The following CEL variants were observed in gnomAD, a reference collection of about 807,000 sequenced individuals.
CEL encodes the protein bile salt-activated lipase.
Under a neutral mutation model 57.1 loss-of-function variants are expected in CEL, and 39 were observed. That is an observed-to-expected ratio of 0.68 (90% CI 0.53 to 0.89). The LOEUF (loss-of-function observed/expected upper bound fraction) is 0.89, where lower values mean the gene tolerates loss of function less well. Among genes scored for constraint, CEL ranks in the 40% least tolerant of loss-of-function variants. The probability of loss-of-function intolerance (pLI) is 0.00; values close to 1 mark genes in which losing one functional copy is unlikely to be tolerated. For synonymous variants in CEL, 314 were observed against 396.6 expected (o/e 0.79, Z 2.48); for missense variants, 698 against 915.0 (o/e 0.76, Z 3.06).
chr9:133,069,898 G>C (rs1830235586), intron 9 of CEL, among the ~76,000 whole-genome samples: 2 of 152,124 alleles, frequency 1.3e-5, no homozygotes, highest in Admixed American at 6.5e-5. Flanking sequence ...TTGACCCAGG[G>C]AGGTGGAGGT....
chr9:133,064,322 C>G, intron 1 of CEL, 82 bp from the exon 2 acceptor site: 1 of 1,588,134 alleles, frequency 6.3e-7, no homozygotes, highest in South Asian at 1.1e-5. Context: ...TCTGGGCACG[C>G]GGAGTCGGCT....
intron 1 of CEL, among the ~76,000 whole-genome samples, chr9:133,063,818 C>T (rs1056046246): frequency 6.6e-6 from 1 of 152,092 alleles, no homozygotes; most frequent in Non-Finnish European, 1.5e-5. Context: ...GGTTCTTTAC[C>T]AGCAGGGGGC....
rs1305032377 is a variant in CEL at position 133,068,726 on chromosome 9, C to T, written c.950C>T (p.Pro317Leu). 6.2e-7 allele frequency: 1 copy of T among 1,607,480 alleles called. No individual in the cohort carries two copies. The highest frequency in any genetic ancestry group is 1.7e-5 in the Admixed American group (1 of 59,642). Residue 317 changes from proline to leucine, a missense_variant, in exon 8 of 11, where the codon CCC becomes CTC. By Grantham distance (98) the Pro-to-Leu change is moderately conservative. Coordinates refer to ENST00000372080, the MANE Select transcript of CEL (RefSeq NM_001807.6). ...CCTGTCATTGATGGAGACTTCATCC[C>T]CGCTGACCCGATCAACCTGTACGCC... ...FVPVIDGDFI[P>L]ADPINLYANA...
rs771328351 is a variant in CEL at position 133,064,409 on chromosome 9, C to T, written c.72C>T (p.Gly24=). Residue 24 remains glycine (G), a synonymous_variant, in exon 2 of 11, where the codon GGC becomes GGT. Transcript: ENST00000372080. The part of the protein sequence containing the change: ...CWAVASAAKL[G]AVYTEGGFVE... ...TGCCCGTGTCTCCCTCGCAGCTGGG[C>T]GCCGTGTACACAGAAGGTGGGTTCG... The T allele has an allele frequency of 2.7e-5, 44 of 1,613,944 alleles. No homozygotes were observed. The highest frequency in any genetic ancestry group is 1.0e-4 in the Admixed American group (6 of 60,030).
At chr9:133,064,937 C>T in intron 3 of CEL, 103 bp from the exon 4 acceptor site, 1 of 1,546,938 alleles carries the variant, frequency 6.5e-7, no homozygotes, top group Non-Finnish European at 8.8e-7. Flanking sequence ...CTTGGAGCAC[C>T]TCCCTGTCTT....
At position 133,071,688 on chromosome 9, in the gene CEL, G is replaced by T. The variant is rs372439856; in HGVS notation, c.2186G>T (p.Gly729Val). 5.6e-6 allele frequency: 9 copies of T among 1,608,100 alleles called. No individual in the cohort carries two copies. The highest frequency in any genetic ancestry group is 7.6e-6 in the Non-Finnish European group (9 of 1,177,096). The change falls in exon 11 of 11, where the codon GGT becomes GTT. Residue 729 changes from glycine to valine, a missense_variant. Gly to Val is a moderately radical substitution (Grantham distance 109). This residue lies in a region of CEL where 238 missense variants were observed against 213.7 expected (regional missense o/e 1.11). Transcript: ENST00000372080. ...DSGAPPVPPT[G>V]DSEAAPVPPT... ...GGGGCCCCCCCTGTGCCCCCCACGG[G>T]TGACTCTGAGGCTGCCCCTGTGCCC...
rs1350833113 is a variant in CEL, at chr9:133,066,842, T to A, written c.674T>A (p.Leu225His). Residue 225 changes from leucine to histidine, a missense_variant, in exon 6 of 11, where the codon CTC (leucine) becomes CAC (histidine). Coordinates refer to ENST00000372080, the MANE Select transcript of CEL (RefSeq NM_001807.6). The surrounding 1 kb of genome is among the most constrained non-coding windows in gnomAD (Gnocchi z 4.3). ...CGGGATTTCTGGGTCCCGTAGACCC[T>A]CTCCCCCTACAACAAGGGCCTCATC... is the stretch of plus-strand genomic sequence containing the variant. ...AGGASVSLQT[L>H]SPYNKGLIRR... is the part of the protein sequence containing the mutation. 1.9e-6 allele frequency: 3 copies of A among 1,611,794 alleles called. No individual in the cohort carries two copies. In the Admixed American group the frequency reaches 5.0e-5, roughly 27 times the overall value.
intron 1 of CEL, among the ~76,000 whole-genome samples, chr9:133,063,459 GA>G (rs1830123941): frequency 6.6e-6 from 1 of 152,186 alleles, no homozygotes. Context: ...CTAGACTTCA[GA>G]GGGCTGCTGG....
At position 133,067,102 on chromosome 9, in the gene CEL, G is replaced by A. The variant is rs1588490203; in HGVS notation, c.792G>A (p.Val264=). ...TCTGCCCCCAGGTGGCTGAGAAGGT[G>A]GGTTGCCCTGTGGGTGATGCCGCCA... The part of the protein sequence containing the change: ...LFWAKKVAEK[V]GCPVGDAARM... Residue 264 remains valine (V), a synonymous_variant, in exon 7 of 11, where the codon GTG becomes GTA. Transcript: ENST00000372080. The A allele has an allele frequency of 6.2e-7, 1 of 1,614,150 alleles. No homozygotes were observed. Among genetic ancestry groups the A allele is most frequent in the African/African-American group, 1.3e-5 (1 of 75,036 alleles).
chr9:133,070,550 T>A lies in CEL; in HGVS notation c.1376T>A (p.Ile459Asn). The A allele has an allele frequency of 6.2e-7, 1 of 1,614,044 alleles. No homozygotes were observed. Among genetic ancestry groups the A allele is most frequent in the South Asian group, 1.1e-5 (1 of 91,072 alleles). Reference sequence around the variant, plus strand: ...GTGGGGGCCGACCATGCAGATGACATTCAGTACGTTTTCGGGAAGCCCTTC... The same window carrying A: ...GTGGGGGCCGACCATGCAGATGACAATCAGTACGTTTTCGGGAAGCCCTTC... ...KWVGADHADDIQYVFGKPFAT... is the reference protein window; with the variant it reads ...KWVGADHADDNQYVFGKPFAT... Residue 459 changes from isoleucine to asparagine, a missense_variant, in exon 10 of 11, where the codon ATT becomes AAT. This residue lies in a region of CEL where 111 missense variants were observed against 147.3 expected (regional missense o/e 0.75). Coordinates refer to ENST00000372080, the MANE Select transcript of CEL (RefSeq NM_001807.6).
At position 133,066,971 on chromosome 9, in the gene CEL, C is replaced by CTGGGGGGGGG. The variant is rs2119063411; in HGVS notation, c.777+26_777+27insTGGGGGGGGG. On this transcript the variant is annotated intron_variant, in intron 6 of 10. Coordinates refer to ENST00000372080, the MANE Select transcript of CEL (RefSeq NM_001807.6). The surrounding 1 kb of genome is among the most constrained non-coding windows in gnomAD (Gnocchi z 4.3). ...GTAAACGGAGGAGGGCAGGGCTGGG[C>CTGGGGGGGGG]GGGGTGGGGGCTGTCCACATTTCCG... The CTGGGGGGGGG allele has an allele frequency of 1.9e-5, 11 of 571,058 alleles. No homozygotes were observed. The highest frequency in any genetic ancestry group is 5.1e-5 in the African/African-American group (2 of 39,464). The allele number at this position is 571,058 out of a possible 1,614,324, so 35.4% of individuals were successfully genotyped here.
At chr9:133,062,789 A>AGCAG (rs1477154178) in intron 1 of CEL, among the ~76,000 whole-genome samples, 1 of 151,600 alleles carries the variant, frequency 6.6e-6, no homozygotes, top group Non-Finnish European at 1.5e-5. Context: ...GGTGGAGAGA[A>AGCAG]GCAGGCAGGC....
rs1226454830 is a variant in CEL, at chr9:133,066,049, G to C, written c.539-481G>C. Among the ~76,000 whole-genome samples, 1 of 152,122 alleles carries C rather than the reference G, an allele frequency of 6.6e-6. No individual in the cohort carries two copies. Among genetic ancestry groups the C allele is most frequent in the Non-Finnish European group, 1.5e-5 (1 of 68,032 alleles). Reference sequence around the variant, plus strand: ...AAGAGGCTGTGGGACAGACAGACAGGCAGACAGGCTGAGGCTCAGAGAGAA... The same window carrying C: ...AAGAGGCTGTGGGACAGACAGACAGCCAGACAGGCTGAGGCTCAGAGAGAA... On this transcript the variant is annotated intron_variant, in intron 4 of 10. Coordinates refer to ENST00000372080, the MANE Select transcript of CEL (RefSeq NM_001807.6). This position sits in a 1 kb window ranked among gnomAD's most constrained non-coding sequence, Gnocchi z 4.3.
rs1830277572 is a variant in CEL, at chr9:133,071,637, CCCCCGTGCCGCCCACGGGTGACTCCGGG to C, written c.2136_2163del (p.Val714ProfsTer35). On this transcript the variant is annotated frameshift_variant, in exon 11 of 11. Transcript: ENST00000372080. LOFTEE classifies it high-confidence loss of function. ...ACCCCCACGGGTGACTCCGAGACCG[CCCCCGTGCCGCCCACGGGTGACTCCGGG>C]GCCCCCCCTGTGCCCCCCACGGGTG... is the stretch of plus-strand genomic sequence containing the variant. 1 of 1,519,808 alleles carries C rather than the reference CCCCCGTGCCGCCCACGGGTGACTCCGGG, an allele frequency of 6.6e-7. No individual in the cohort carries two copies. The highest frequency in any genetic ancestry group is 1.4e-5 in the African/African-American group (1 of 69,672). The allele number at this position is 1,519,808 out of a possible 1,614,324, so 94.1% of individuals were successfully genotyped here. A position where few individuals can be genotyped will look rare whatever the true frequency, so the allele number is the denominator to read the frequency against.
intron 9 of CEL, among the ~76,000 whole-genome samples, 163 bp from the exon 10 acceptor site, chr9:133,070,298 G>A (rs1472189770): frequency 2.0e-5 from 3 of 147,758 alleles, no homozygotes; most frequent in Admixed American, 6.8e-5. Flanking sequence ...CATGAATTTG[G>A]TTCTCAGCTT....
At position 133,066,723 on chromosome 9, in the gene CEL, G is replaced by A. The variant is rs1389740119; in HGVS notation, c.669+63G>A. On this transcript the variant is annotated intron_variant, in intron 5 of 10. Transcript: ENST00000372080. This position sits in a 1 kb window ranked among gnomAD's most constrained non-coding sequence, Gnocchi z 4.3. ...TTGAGAGGAAGCTCAAACGGGAAGG[G>A]GAGGGTGGGAGGAGGAGCGTGGAGC... 7.5e-6 allele frequency: 12 copies of A among 1,606,574 alleles called. No homozygotes were observed. The highest frequency in any genetic ancestry group is 1.1e-5 in the South Asian group (1 of 90,838).
In CEL at chr9:133,071,728, C is replaced by T. The variant is rs1830281265; in HGVS notation, c.2226C>T (p.Ser742=). Residue 742 remains serine, a synonymous_variant, in exon 11 of 11, where the codon TCC becomes TCT. Transcript: ENST00000372080. ...CCCCTGTGCCCCCCACAGATGACTC[C>T]AAGGAAGCTCAGATGCCTGCAGTCA... ...EAAPVPPTDD[S]KEAQMPAVIR... The T allele has an allele frequency of 1.2e-6, 2 of 1,612,218 alleles. 1 individual carries two copies. Among genetic ancestry groups the T allele is most frequent in the Non-Finnish European group, 1.7e-6 (2 of 1,179,420 alleles).
At chr9:133,062,444 A>G (rs1179038252) in intron 1 of CEL, among the ~76,000 whole-genome samples, 2 of 136,124 alleles carry the variant, frequency 1.5e-5, no homozygotes, top group Non-Finnish European at 3.1e-5. Context: ...AAATACAAAT[A>G]TTAATCGGGC....
intron 1 of CEL, 68 bp from the exon 2 acceptor site, chr9:133,064,336 C>T (rs1244292766): frequency 4.4e-6 from 7 of 1,604,592 alleles, no homozygotes; most frequent in Non-Finnish European, 5.9e-6. Context: ...GTCGGCTTGC[C>T]TTGCCCCCTC....
Sources: allele counts gnomAD v4.1 joint callset (sites outside exome capture counted in the v4.1 genomes callset), GRCh38; gene constraint gnomAD v4.1.1; regional missense constraint gnomAD v4.1.1; non-coding constraint Gnocchi (gnomAD v3.1); transcripts MANE v1.5; gene names NCBI Gene and HGNC (gene_info 2026-07-23, HGNC 2026-07-21).